The following TNKS variants were observed in gnomAD, a reference collection of about 807,000 sequenced individuals.
TNKS encodes the protein poly [ADP-ribose] polymerase tankyrase-1.
TNKS carries 72 observed loss-of-function variants against 135.8 expected under a neutral mutation model. The observed-to-expected ratio is 0.53, with a 90% confidence interval of 0.44 to 0.64. The LOEUF (loss-of-function observed/expected upper bound fraction) is 0.64. Among genes scored for constraint, TNKS ranks in the 30% least tolerant of loss-of-function variants. The pLI is 0.00. For missense variants in TNKS, 1,769 were observed against 1,674.0 expected, an observed-to-expected ratio of 1.06 and a Z score of -0.99; for synonymous variants, 849 against 649.3, an observed-to-expected ratio of 1.31 and a Z score of -4.68.
intron 3 of TNKS, among the ~76,000 whole-genome samples, chr8:9,660,408 C>T (rs1801638295): frequency 6.6e-6 from 1 of 152,170 alleles, no homozygotes; most frequent in Non-Finnish European, 1.5e-5. Flanking sequence ...TGGGCTTCAT[C>T]CCTGGGATCC....
At chr8:9,631,019 T>G (rs1033950483) in intron 3 of TNKS, among the ~76,000 whole-genome samples, 11 of 152,248 alleles carry the variant, frequency 7.2e-5, no homozygotes, top group Non-Finnish European at 1.5e-4. Flanking sequence ...ATAGAATACC[T>G]TTATTAATTT....
At chr8:9,653,489 C>G (rs1429477273) in intron 3 of TNKS, among the ~76,000 whole-genome samples, 1 of 151,890 alleles carries the variant, frequency 6.6e-6, no homozygotes, top group Non-Finnish European at 1.5e-5. Context: ...TGGTGAGGGC[C>G]TCGTACTGGG....
chr8:9,646,426 A>G (rs906610729), intron 3 of TNKS, among the ~76,000 whole-genome samples: 1 of 152,154 alleles, frequency 6.6e-6, no homozygotes, highest in Non-Finnish European at 1.5e-5. Flanking sequence ...TTGCAAATAG[A>G]AATCTGTTTC....
At chr8:9,567,954 G>T (rs187804458) in intron 1 of TNKS, among the ~76,000 whole-genome samples, 1 of 152,080 alleles carries the variant, frequency 6.6e-6, no homozygotes, top group African/African-American at 2.4e-5. Flanking sequence ...AAAAAAAAGG[G>T]GGGTATCATA....
intron 1 of TNKS, among the ~76,000 whole-genome samples, chr8:9,574,322 T>A (rs1306097262): frequency 6.6e-6 from 1 of 152,186 alleles, no homozygotes; most frequent in Non-Finnish European, 1.5e-5. Context: ...CTGGCGCCTC[T>A]AAAAATAGAG....
At chr8:9,688,144 A>G (rs766739982) in intron 5 of TNKS, among the ~76,000 whole-genome samples, 1 of 152,254 alleles carries the variant, frequency 6.6e-6, no homozygotes, top group African/African-American at 2.4e-5. Flanking sequence ...ATTACATGAT[A>G]AAGATATTTT....
chr8:9,728,169 G>A (rs533403560), intron 13 of TNKS, among the ~76,000 whole-genome samples: 94 of 152,190 alleles, frequency 6.2e-4, no homozygotes, highest in Non-Finnish European at 1.2e-3. Flanking sequence ...CACAGTGAAG[G>A]CCTAATTTAT....
chr8:9,775,356 A>G (rs539646774), intron 26 of TNKS, among the ~76,000 whole-genome samples: 9 of 151,084 alleles, frequency 6.0e-5, no homozygotes, highest in African/African-American at 9.7e-5. Context: ...GAGATTTTCA[A>G]TCTTCGTTTC....
intron 3 of TNKS, among the ~76,000 whole-genome samples, chr8:9,619,792 T>TA (rs903420275): frequency 6.6e-6 from 1 of 150,782 alleles, no homozygotes; most frequent in Non-Finnish European, 1.5e-5. Context: ...CCTTTGCTTT[T>TA]TTTTTTTTTT....
At chr8:9,619,763 A>G (rs1447916242) in intron 3 of TNKS, among the ~76,000 whole-genome samples, 1 of 150,288 alleles carries the variant, frequency 6.7e-6, no homozygotes, top group Non-Finnish European at 1.5e-5. Flanking sequence ...TTAGTAAGTC[A>G]GCAAAATGTA....
At chr8:9,712,427 G>A (rs1441714948) in intron 11 of TNKS, among the ~76,000 whole-genome samples, 1 of 151,398 alleles carries the variant, frequency 6.6e-6, no homozygotes, top group African/African-American at 2.4e-5. Flanking sequence ...CTGCAGTGAG[G>A]TATGATCATA....
intron 18 of TNKS, among the ~76,000 whole-genome samples, chr8:9,749,725 C>A (rs7001832): frequency 6.6e-6 from 1 of 151,822 alleles, no homozygotes; most frequent in Non-Finnish European, 1.5e-5. Context: ...CTCCCTCAGC[C>A]TCCTTCCTCA....
At chr8:9,666,307 AT>A (rs1801985987) in intron 3 of TNKS, among the ~76,000 whole-genome samples, 1 of 152,378 alleles carries the variant, frequency 6.6e-6, no homozygotes, top group South Asian at 2.1e-4. Flanking sequence ...GAAGTTTACA[AT>A]TACATAGGAA....
chr8:9,730,924 A>T lies in TNKS; in HGVS notation c.2036A>T (p.Asp679Val). The T allele has an allele frequency of 6.2e-7, 1 of 1,613,922 alleles. No homozygotes were observed. The highest frequency in any genetic ancestry group is 8.5e-7 in the Non-Finnish European group (1 of 1,179,934). The change falls in exon 14 of 27, where the codon GAC becomes GTC. Residue 679 changes from aspartate (D) to valine (V), a missense_variant. Around this residue, in one of 5 missense-constraint regions of TNKS, gnomAD observed 523 missense variants for 541.0 expected, o/e 0.97. Coordinates refer to ENST00000310430, the MANE Select transcript of TNKS (RefSeq NM_003747.3). ...AGCTCTCAAAATGTGAATTGTAGAG[A>T]CTTAGAGGGCCGGCATTCCACGCCC... ...LCSSQNVNCR[D>V]LEGRHSTPLH...
At chr8:9,728,635 C>T (rs1376583872) in intron 13 of TNKS, among the ~76,000 whole-genome samples, 1 of 152,144 alleles carries the variant, frequency 6.6e-6, no homozygotes, top group Non-Finnish European at 1.5e-5. Flanking sequence ...TCAATTTTTG[C>T]ATCTTTTCTT....
intron 1 of TNKS, among the ~76,000 whole-genome samples, chr8:9,576,880 A>G (rs1563396245): frequency 1.3e-5 from 2 of 152,168 alleles, no homozygotes; most frequent in Admixed American, 1.3e-4. Flanking sequence ...CATAATATAC[A>G]AATAATAACA....
intron 12 of TNKS, among the ~76,000 whole-genome samples, chr8:9,723,424 T>C (rs35159871): frequency 0.7 from 106,345 of 151,800 alleles, 37,787 homozygotes; most frequent in Admixed American, 0.8. Context: ...TTAATACGGG[T>C]TTGAGATCTA....
intron 3 of TNKS, among the ~76,000 whole-genome samples, chr8:9,666,652 CAG>C (rs1802004608): frequency 6.6e-6 from 1 of 151,492 alleles, no homozygotes; most frequent in African/African-American, 2.4e-5. Context: ...ACCCAGGAGG[CAG>C]AGTTTGCAGT....
intron 2 of TNKS, among the ~76,000 whole-genome samples, chr8:9,591,009 G>C (rs917650180): frequency 2.6e-5 from 4 of 152,158 alleles, no homozygotes; most frequent in Admixed American, 1.3e-4. Context: ...ATTTAACTCT[G>C]TTGTCATCTA....
Sources: allele counts gnomAD v4.1 joint callset (sites outside exome capture counted in the v4.1 genomes callset), GRCh38; gene constraint gnomAD v4.1.1; regional missense constraint gnomAD v4.1.1; transcripts MANE v1.5; gene names NCBI Gene and HGNC (gene_info 2026-07-23, HGNC 2026-07-21).